Variants in MAPK10 observed in about 807,000 individuals in gnomAD.
MAPK10 encodes JNK3 alpha protein kinase.
Under a neutral mutation model 59.3 loss-of-function variants are expected in MAPK10, and 25 were observed. The ratio of observed to expected loss-of-function variants is 0.42; its 90% confidence interval spans 0.31 to 0.59. The LOEUF (loss-of-function observed/expected upper bound fraction) is 0.59, where lower values mean the gene tolerates loss of function less well. Ranked by LOEUF, MAPK10 falls within the 20% of genes least tolerant of loss-of-function variation. The pLI is 0.15. For missense variants in MAPK10, 351 were observed against 568.9 expected, an observed-to-expected ratio of 0.62 and a Z score of 3.90; for synonymous variants, 190 against 200.5, an observed-to-expected ratio of 0.95 and a Z score of 0.44.
At chr4:86,420,850 G>A (rs1046911078) in intron 1 of MAPK10, among the ~76,000 whole-genome samples, 2 of 152,206 alleles carry the variant, frequency 1.3e-5, no homozygotes, top group South Asian at 2.1e-4. Flanking sequence ...GGGAGGCCGA[G>A]GCTGGTGGAT....
At position 86,034,198 on chromosome 4, in the gene MAPK10, T is replaced by A. The variant is rs890848029; in HGVS notation, c.1111-2767A>T. On this transcript the variant is annotated intron_variant, in intron 11 of 13. Coordinates refer to ENST00000641462, the MANE Select transcript of MAPK10 (RefSeq NM_138982.4). Reference sequence around the variant, plus strand: ...ACATTAAAGATAGTATATGAACAGTTATCAGGGCCTGTGACTTTCACCCTT... The same window carrying A: ...ACATTAAAGATAGTATATGAACAGTAATCAGGGCCTGTGACTTTCACCCTT... Among the ~76,000 whole-genome samples the A allele has an allele frequency of 3.3e-5, 5 of 152,310 alleles. No homozygotes were observed. The East Asian group carries it at 9.6e-4, about 29-fold the overall frequency.
chr4:86,455,447 A>C (rs1751148273), upstream of MAPK10, among the ~76,000 whole-genome samples: 1 of 152,208 alleles, frequency 6.6e-6, no homozygotes, highest in Non-Finnish European at 1.5e-5. Context: ...AATTTAAGGT[A>C]AAGGGAAGGA....
chr4:86,110,705 T>C (rs1018118434), intron 4 of MAPK10, among the ~76,000 whole-genome samples: 9 of 152,226 alleles, frequency 5.9e-5, no homozygotes, highest in Admixed American at 4.6e-4. Context: ...AGGATTGTCT[T>C]GGCTATTGGG....
At chr4:86,506,965 A>G (rs1363648658) in intron 1 of MAPK10, among the ~76,000 whole-genome samples, 3 of 152,172 alleles carry the variant, frequency 2.0e-5, no homozygotes, top group Admixed American at 6.5e-5. Context: ...GAGTATATAT[A>G]TGCTTGAGGC....
chr4:86,149,827 A>T (rs1386171579), intron 4 of MAPK10, among the ~76,000 whole-genome samples: 1 of 152,232 alleles, frequency 6.6e-6, no homozygotes, highest in Non-Finnish European at 1.5e-5. Context: ...AGAGGGAGCC[A>T]GGATCTTAGA....
chr4:86,133,628 C>G lies in MAPK10; in HGVS notation c.236+25670G>C, dbSNP rs543728345. ...TTTTATGTTTAGAAGAGAATTTGAA[C>G]TCTAAAAAACTCTTTTTGTGGGTAT... On this transcript the variant is annotated intron_variant, in intron 4 of 13. Coordinates refer to ENST00000641462, the MANE Select transcript of MAPK10 (RefSeq NM_138982.4). Among the ~76,000 whole-genome samples, 30 of 152,286 alleles carry G rather than the reference C, an allele frequency of 2.0e-4. No individual in the cohort carries two copies. In the South Asian group the frequency reaches 6.2e-3, roughly 32 times the overall value.
chr4:86,018,104 G>A (rs1477565245), intron 13 of MAPK10, among the ~76,000 whole-genome samples: 1 of 152,142 alleles, frequency 6.6e-6, no homozygotes. Context: ...AGACAAATAA[G>A]CAAAACCCCT....
At chr4:86,278,726 T>C (rs2094681912) in intron 2 of MAPK10, among the ~76,000 whole-genome samples, 1 of 152,198 alleles carries the variant, frequency 6.6e-6, no homozygotes, top group African/African-American at 2.4e-5. Flanking sequence ...CAATGTTATG[T>C]ACTCCCTGAT....
intron 1 of MAPK10, among the ~76,000 whole-genome samples, chr4:86,575,828 G>A (rs1761840237): frequency 6.6e-6 from 1 of 150,876 alleles, no homozygotes; most frequent in African/African-American, 2.4e-5. Context: ...AACACAAAAG[G>A]GTAGACAAAG....
chr4:86,223,799 C>A (rs1168784214), intron 2 of MAPK10, among the ~76,000 whole-genome samples: 1 of 152,160 alleles, frequency 6.6e-6, no homozygotes, highest in Non-Finnish European at 1.5e-5. Context: ...TTGCCCCAAC[C>A]CCCTAACCAC....
chr4:86,300,310 G>C, intron 2 of MAPK10, among the ~76,000 whole-genome samples: 1 of 152,192 alleles, frequency 6.6e-6, no homozygotes. Context: ...ATGATGATCA[G>C]TATTCCCTTC....
chr4:86,216,943 G>T (rs1006166657), intron 2 of MAPK10, among the ~76,000 whole-genome samples: 1 of 152,056 alleles, frequency 6.6e-6, no homozygotes, highest in South Asian at 2.1e-4. Context: ...ATTACAGCAC[G>T]TGAAAGAATA....
chr4:86,343,593 T>A (rs11097107), intron 2 of MAPK10, among the ~76,000 whole-genome samples: 111,071 of 151,980 alleles, frequency 0.73, 41,172 homozygotes, highest in South Asian at 0.9. Flanking sequence ...AAAGTATAGT[T>A]CACGGACCCC....
chr4:86,529,177 A>G (rs1232351619), intron 1 of MAPK10, among the ~76,000 whole-genome samples: 8 of 152,226 alleles, frequency 5.3e-5, no homozygotes, highest in Admixed American at 5.2e-4. Context: ...TCCGGGCTCG[A>G]TGAGGACCAG....
At chr4:86,469,006 T>C (rs1752443438) in intron 1 of MAPK10, among the ~76,000 whole-genome samples, 1 of 152,120 alleles carries the variant, frequency 6.6e-6, no homozygotes. Context: ...GAATGTTAAA[T>C]CTGGGAAAGC....
chr4:86,149,098 C>A (rs1439456265), intron 4 of MAPK10, among the ~76,000 whole-genome samples: 6 of 152,140 alleles, frequency 3.9e-5, no homozygotes, highest in African/African-American at 1.4e-4. Context: ...CCAAATTTCT[C>A]CCACTTTGAT....
intron 1 of MAPK10, among the ~76,000 whole-genome samples, chr4:86,565,684 A>C (rs1274920865): frequency 6.6e-6 from 1 of 152,252 alleles, no homozygotes; most frequent in Non-Finnish European, 1.5e-5. Flanking sequence ...GCTTCAGCCC[A>C]GGAATAGATT....
At chr4:86,577,009 A>G (rs1396658561) in intron 1 of MAPK10, among the ~76,000 whole-genome samples, 1 of 152,168 alleles carries the variant, frequency 6.6e-6, no homozygotes, top group East Asian at 1.9e-4. Context: ...TATTTAGTAT[A>G]AATGCATTTT....
intron 1 of MAPK10, among the ~76,000 whole-genome samples, chr4:86,368,157 T>C (rs975088714): frequency 1.3e-5 from 2 of 152,184 alleles, no homozygotes; most frequent in Non-Finnish European, 2.9e-5. Flanking sequence ...TTAAACTTCA[T>C]GTAAGAAAAG....
Sources: allele counts gnomAD v4.1 joint callset (sites outside exome capture counted in the v4.1 genomes callset), GRCh38; gene constraint gnomAD v4.1.1; transcripts MANE v1.5; gene names NCBI Gene and HGNC (gene_info 2026-07-23, HGNC 2026-07-21).